TMEM45B: variants seen among roughly 807,000 people sequenced by gnomAD.
The protein encoded by TMEM45B is transmembrane protein 45B.
A neutral mutation model predicts 27.3 loss-of-function variants in TMEM45B; 29 were observed. The observed-to-expected ratio is 1.06, with a 90% CI of 0.79 to 1.45. TMEM45B has a LOEUF of 1.45. TMEM45B is among the 40% of genes most tolerant of loss of function. The pLI, the probability that TMEM45B is intolerant of heterozygous loss-of-function variation, is 0.00. For missense variants in TMEM45B, 348 were observed against 343.9 expected, an observed-to-expected ratio of 1.01 and a Z score of -0.09; for synonymous variants, 143 against 134.7, an observed-to-expected ratio of 1.06 and a Z score of -0.43.
intron 1 of TMEM45B, among the ~76,000 whole-genome samples, chr11:129,839,586 C>T (rs1170234656): frequency 6.6e-6 from 1 of 152,174 alleles, no homozygotes; most frequent in Non-Finnish European, 1.5e-5. Flanking sequence ...TGGAGTGACA[C>T]GGAGTGTCAG....
At chr11:129,827,982 CA>C (rs1479657065) in intron 1 of TMEM45B, among the ~76,000 whole-genome samples, 1 of 151,570 alleles carries the variant, frequency 6.6e-6, no homozygotes, top group Non-Finnish European at 1.5e-5. Flanking sequence ...AAAAAAGAAA[CA>C]AAAAAGTATT....
intron 1 of TMEM45B, among the ~76,000 whole-genome samples, chr11:129,849,188 T>C (rs946457254): frequency 6.6e-6 from 1 of 152,264 alleles, no homozygotes; most frequent in East Asian, 1.9e-4. Context: ...CACTTTGAGA[T>C]AAATTTCATC....
At chr11:129,848,490 AAGGGAGACCGTGGAAAGAGAGGGAG>A (rs909272405) in intron 1 of TMEM45B, among the ~76,000 whole-genome samples, 2 of 150,294 alleles carry the variant, frequency 1.3e-5, no homozygotes, top group African/African-American at 5.0e-5. Flanking sequence ...CTCGGCATGA[AAGGGAGACCGTGGAAAGAGAGGGAG>A]AGGGAGAGGG....
intron 1 of TMEM45B, among the ~76,000 whole-genome samples, chr11:129,847,600 T>G (rs994550335): frequency 4.6e-5 from 7 of 150,964 alleles, no homozygotes; most frequent in Non-Finnish European, 1.0e-4. Flanking sequence ...TTAACGAGCA[T>G]GCTGCCTTCA....
intron 1 of TMEM45B, among the ~76,000 whole-genome samples, chr11:129,851,457 T>C (rs2135597601): frequency 7.0e-6 from 1 of 143,058 alleles, no homozygotes; most frequent in South Asian, 2.2e-4. Flanking sequence ...GGCAGGAGAA[T>C]CGCTTGAACC....
At chr11:129,820,732 A>AT (rs149979474) in intron 1 of TMEM45B, among the ~76,000 whole-genome samples, 6,044 of 152,234 alleles carry the variant, frequency 0.04, 394 homozygotes, top group African/African-American at 0.14. Flanking sequence ...TCTTGAGGGT[A>AT]TACTTTATTT....
intron 1 of TMEM45B, among the ~76,000 whole-genome samples, chr11:129,841,903 G>A (rs1399727893): frequency 1.3e-5 from 2 of 152,046 alleles, no homozygotes; most frequent in South Asian, 2.1e-4. Context: ...CGGCCTCAGA[G>A]AATTAAAGAA....
chr11:129,845,615 C>A (rs527345771), intron 1 of TMEM45B, among the ~76,000 whole-genome samples: 97 of 151,754 alleles, frequency 6.4e-4, no homozygotes, highest in Non-Finnish European at 6.5e-4. Flanking sequence ...CACGGAGGAA[C>A]AAAAAAATGC....
At chr11:129,852,276 G>A (rs1166090448) in intron 1 of TMEM45B, among the ~76,000 whole-genome samples, 199 bp from the exon 2 acceptor site, 1 of 152,108 alleles carries the variant, frequency 6.6e-6, no homozygotes, top group Non-Finnish European at 1.5e-5. Context: ...ACAGACAGTG[G>A]AGTCCAGTTG....
chr11:129,857,349 G>T lies in TMEM45B; in HGVS notation c.607G>T (p.Glu203Ter), dbSNP rs141623441. ...GCTGTTCCCACCTTTTGGAACACCC[G>T]AATGGGACCAGAAGGATGATGCCAA... is the stretch of plus-strand genomic sequence containing the variant. ...FVLFPPFGTP[E>*]WDQKDDANLM... The change falls in exon 5 of 6, where the codon GAA becomes TAA. Residue 203 changes from glutamate (E) to a stop codon, truncating the protein, a stop_gained. Transcript: ENST00000281441. LOFTEE classifies it high-confidence loss of function. 1.2e-6 allele frequency: 2 copies of T among 1,614,038 alleles called. No homozygotes were observed. The highest frequency in any genetic ancestry group is 1.3e-5 in the African/African-American group (1 of 74,918).
At chr11:129,853,705 G>C (rs974992287) in intron 2 of TMEM45B, among the ~76,000 whole-genome samples, 1 of 152,078 alleles carries the variant, frequency 6.6e-6, no homozygotes, top group African/African-American at 2.4e-5. Context: ...CCACACAGCC[G>C]CTGCTGTCAC....
intron 1 of TMEM45B, among the ~76,000 whole-genome samples, chr11:129,849,586 G>A (rs763442967): frequency 3.2e-4 from 49 of 152,278 alleles, no homozygotes; most frequent in Middle Eastern, 3.4e-3. Context: ...AGGTGGAGGC[G>A]GCCGTGCTCC....
At chr11:129,846,381 C>T (rs914042156) in intron 1 of TMEM45B, among the ~76,000 whole-genome samples, 1 of 151,974 alleles carries the variant, frequency 6.6e-6, no homozygotes, top group Non-Finnish European at 1.5e-5. Context: ...GCAGGAGAAT[C>T]GCTTGAACAC....
rs796405735 is a variant in TMEM45B at position 129,826,561 on chromosome 11, A to G, written c.-9+10663A>G. Among the ~76,000 whole-genome samples the G allele has an allele frequency of 7.8e-3, 524 of 67,254 alleles. 59 individuals carry two copies. The highest frequency in any genetic ancestry group is 0.069 in the East Asian group (105 of 1,512). 44.1% of individuals were successfully genotyped at this position (67,254 alleles called of 152,430 possible). A position where few individuals can be genotyped will look rare whatever the true frequency, so the allele number is the denominator to read the frequency against. On this transcript the variant is annotated intron_variant, in intron 1 of 5. Transcript: ENST00000281441. ...AAGACTCTGTCACAAAAAAAAAAAA[A>G]AAAAAAAGGACCCTGAGAGGCTATG...
chr11:129,817,237 T>A (rs1397765881), intron 1 of TMEM45B, among the ~76,000 whole-genome samples: 1 of 152,154 alleles, frequency 6.6e-6, no homozygotes, highest in East Asian at 1.9e-4. Flanking sequence ...CGTGTACTGT[T>A]TTTAACCAGA....
At chr11:129,856,791 C>T (rs1947933537) in intron 4 of TMEM45B, among the ~76,000 whole-genome samples, 1 of 151,384 alleles carries the variant, frequency 6.6e-6, no homozygotes. Context: ...AATCTCCTGA[C>T]CTCATTATCC....
intron 1 of TMEM45B, among the ~76,000 whole-genome samples, chr11:129,832,589 T>TG (rs77622468): frequency 2.7e-5 from 4 of 149,610 alleles, no homozygotes; most frequent in African/African-American, 9.9e-5. Flanking sequence ...TGGGATTTCG[T>TG]GGGGGGTTGG....
rs73573526 is a variant in TMEM45B, at chr11:129,831,549, T to C, written c.-9+15651T>C. ...TTTGTTTCTTGAAGTTTCGATGTAATGGTTTTGGACCACAGTTGACTGCAG... is the reference window on the plus strand; with the variant it reads ...TTTGTTTCTTGAAGTTTCGATGTAACGGTTTTGGACCACAGTTGACTGCAG... On this transcript the variant is annotated intron_variant, in intron 1 of 5. Transcript: ENST00000281441. Among the ~76,000 whole-genome samples the C allele has an allele frequency of 4.9e-3, 745 of 152,350 alleles. 2 individuals are homozygous for C. Among genetic ancestry groups the C allele is most frequent in the African/African-American group, 0.017 (695 of 41,580 alleles).
intron 1 of TMEM45B, among the ~76,000 whole-genome samples, chr11:129,831,901 A>G (rs555673135): frequency 1.3e-5 from 2 of 151,928 alleles, no homozygotes; most frequent in East Asian, 2.0e-4. Context: ...CCCCATCTCT[A>G]TTATAAATGT....
Sources: allele counts gnomAD v4.1 joint callset (sites outside exome capture counted in the v4.1 genomes callset), GRCh38; gene constraint gnomAD v4.1.1; transcripts MANE v1.5; gene names NCBI Gene and HGNC (gene_info 2026-07-23, HGNC 2026-07-21).